The following CACNA2D1 variants were observed in gnomAD, a reference collection of about 807,000 sequenced individuals.
The protein encoded by CACNA2D1 is voltage-dependent calcium channel subunit alpha-2/delta-1.
Under a neutral mutation model 171.5 loss-of-function variants are expected in CACNA2D1, and 53 were observed. The ratio of observed to expected loss-of-function variants is 0.31; its 90% CI spans 0.25 to 0.39. The LOEUF (loss-of-function observed/expected upper bound fraction) is 0.39, where lower values mean the gene tolerates loss of function less well. CACNA2D1 is among the 10% of genes least tolerant of loss of function. The pLI, the probability that CACNA2D1 is intolerant of heterozygous loss-of-function variation, is 1.00. For synonymous variants in CACNA2D1, 442 were observed against 443.1 expected (o/e 1.00, Z 0.03); for missense variants, 903 against 1,299.8 (o/e 0.69, Z 4.69).
intron 34 of CACNA2D1, 71 bp from the exon 35 acceptor site, chr7:81,962,566 T>C (rs975829484): frequency 1.2e-6 from 1 of 858,378 alleles, no homozygotes; most frequent in Non-Finnish European, 1.9e-6. Flanking sequence ...CCCATACACA[T>C]AAATACTGTT....
At chr7:82,254,893 TTCCAGAGCCAG>T (rs1386665430) in intron 3 of CACNA2D1, among the ~76,000 whole-genome samples, 1 of 152,186 alleles carries the variant, frequency 6.6e-6, no homozygotes, top group Non-Finnish European at 1.5e-5. Context: ...ATTACCCACA[TTCCAGAGCCAG>T]TCTTTCACCT....
chr7:82,208,298 C>T (rs1259663538), intron 3 of CACNA2D1, among the ~76,000 whole-genome samples: 1 of 152,028 alleles, frequency 6.6e-6, no homozygotes, highest in Non-Finnish European at 1.5e-5. Context: ...CTATTTTCTA[C>T]AGGAACTCTT....
chr7:82,013,312 G>T, intron 14 of CACNA2D1, 149 bp downstream of exon 14: 3 of 236,604 alleles, frequency 1.3e-5, no homozygotes, highest in Non-Finnish European at 2.5e-5. Context: ...TAAAACCAAT[G>T]TATCAACAAG....
intron 3 of CACNA2D1, among the ~76,000 whole-genome samples, chr7:82,308,429 G>GC (rs1814006740): frequency 6.6e-6 from 1 of 152,162 alleles, no homozygotes; most frequent in African/African-American, 2.4e-5. Flanking sequence ...TCCTCATAGA[G>GC]CCCCAACAGT....
chr7:82,073,237 C>G (rs185813758), intron 7 of CACNA2D1, among the ~76,000 whole-genome samples: 1 of 152,150 alleles, frequency 6.6e-6, no homozygotes, highest in Admixed American at 6.5e-5. Context: ...TTAACATTCT[C>G]CAACTGCTTG....
chr7:82,339,187 T>C (rs887193070), intron 2 of CACNA2D1, among the ~76,000 whole-genome samples: 2 of 152,226 alleles, frequency 1.3e-5, no homozygotes, highest in African/African-American at 4.8e-5. Context: ...AAGGCTGTTT[T>C]GATCTGAAAG....
At chr7:82,228,131 A>T (rs910388900) in intron 3 of CACNA2D1, among the ~76,000 whole-genome samples, 23 of 152,112 alleles carry the variant, frequency 1.5e-4, no homozygotes, top group African/African-American at 5.6e-4. Flanking sequence ...AAAAAAGGAG[A>T]TTATCTCAGG....
chr7:81,974,613 A>G, intron 24 of CACNA2D1, 61 bp from the exon 25 acceptor site: 1 of 877,008 alleles, frequency 1.1e-6, no homozygotes, highest in Non-Finnish European at 1.8e-6. Flanking sequence ...GGGTAATTAA[A>G]GGTAGTGAAA....
intron 3 of CACNA2D1, among the ~76,000 whole-genome samples, chr7:82,237,909 G>A (rs1585185793): frequency 6.6e-6 from 1 of 151,838 alleles, no homozygotes. Flanking sequence ...TAAATATAAA[G>A]AATAAAGTAC....
rs541464960 is a variant in CACNA2D1, at chr7:82,317,364, G to A, written c.294+17771C>T. Among the ~76,000 whole-genome samples, 27 of 152,256 alleles carry A rather than the reference G, an allele frequency of 1.8e-4. 1 individual carries two copies. In the Middle Eastern group the frequency reaches 0.01, roughly 58 times the overall value. On this transcript the variant is annotated intron_variant, in intron 3 of 38. Coordinates refer to ENST00000356860, the MANE Select transcript of CACNA2D1 (RefSeq NM_000722.4). ...CAGGCAGATCATAGGGATAATTCCC[G>A]TGTGTGTGTACGGCTGAGAGGAAAA...
intron 21 of CACNA2D1, among the ~76,000 whole-genome samples, chr7:81,985,607 A>C (rs528160704): frequency 3.3e-5 from 5 of 152,320 alleles, no homozygotes; most frequent in Non-Finnish European, 7.3e-5. Context: ...AGGCAAATTC[A>C]GATTCCTTTA....
intron 2 of CACNA2D1, among the ~76,000 whole-genome samples, chr7:82,339,942 C>T (rs539437312): frequency 9.5e-4 from 144 of 152,140 alleles, no homozygotes; most frequent in African/African-American, 3.3e-3. Context: ...AATGGAATCA[C>T]AAAGGTCCTT....
chr7:82,090,633 C>G (rs1295729374), intron 6 of CACNA2D1, among the ~76,000 whole-genome samples: 1 of 151,818 alleles, frequency 6.6e-6, no homozygotes, highest in Non-Finnish European at 1.5e-5. Context: ...TAAATTTTGT[C>G]TATATTTCAT....
chr7:82,256,124 A>C (rs1050350776), intron 3 of CACNA2D1, among the ~76,000 whole-genome samples: 5 of 152,086 alleles, frequency 3.3e-5, no homozygotes, highest in Admixed American at 6.6e-5. Context: ...AAAAAGAAAA[A>C]CAAATAGCCA....
chr7:81,985,955 C>T (rs2130683419), intron 21 of CACNA2D1, among the ~76,000 whole-genome samples: 1 of 152,258 alleles, frequency 6.6e-6, no homozygotes, highest in African/African-American at 2.4e-5. Flanking sequence ...GGTAATCTTA[C>T]TTATTTTGAA....
At chr7:82,126,803 C>T (rs1790380009) in intron 5 of CACNA2D1, among the ~76,000 whole-genome samples, 1 of 152,068 alleles carries the variant, frequency 6.6e-6, no homozygotes. Context: ...TATAAACCTC[C>T]AATTTTAGTC....
intron 3 of CACNA2D1, among the ~76,000 whole-genome samples, chr7:82,254,311 A>C (rs1806020748): frequency 6.6e-6 from 1 of 152,134 alleles, no homozygotes; most frequent in Admixed American, 6.5e-5. Context: ...AGGAACCATA[A>C]AAGGTTACTT....
intron 10 of CACNA2D1, among the ~76,000 whole-genome samples, chr7:82,042,575 G>T (rs1804092179): frequency 6.6e-6 from 1 of 152,082 alleles, no homozygotes; most frequent in East Asian, 1.9e-4. Flanking sequence ...CATTAGAACT[G>T]CTGAGGACAA....
intron 2 of CACNA2D1, among the ~76,000 whole-genome samples, chr7:82,341,970 C>T (rs560395749): frequency 7.2e-6 from 1 of 138,702 alleles, no homozygotes; most frequent in East Asian, 2.3e-4. Context: ...AGGAGAATGG[C>T]GTGAACCTGG....
Sources: gnomAD v4.1 joint callset for allele counts (sites outside exome capture counted in the v4.1 genomes callset) on GRCh38, gnomAD v4.1.1 for gene constraint, MANE v1.5 for transcripts, NCBI Gene and HGNC (gene_info 2026-07-23, HGNC 2026-07-21) for gene names.